SMCHD1: variants seen among roughly 807,000 people sequenced by gnomAD.
SMCHD1 encodes the protein structural maintenance of chromosomes flexible hinge domain containing 1, also known as structural maintenance of chromosomes flexible hinge domain-containing protein 1.
A neutral mutation model predicts 254.7 loss-of-function variants in SMCHD1; 78 were observed. The ratio of observed to expected loss-of-function variants is 0.31; its 90% CI spans 0.26 to 0.37. SMCHD1 has a LOEUF of 0.37. Ranked by LOEUF, SMCHD1 falls within the 10% of genes least tolerant of loss-of-function variation. The pLI, the probability that SMCHD1 is intolerant of heterozygous loss-of-function variation, is 1.00. For synonymous variants in SMCHD1, 766 were observed against 794.9 expected, an observed-to-expected ratio of 0.96 and a Z score of 0.61; for missense variants, 1,840 against 2,408.1, an observed-to-expected ratio of 0.76 and a Z score of 4.94.
intron 34 of SMCHD1, among the ~76,000 whole-genome samples, chr18:2,758,401 G>C (rs1010574574): frequency 6.6e-6 from 1 of 152,020 alleles, no homozygotes; most frequent in African/African-American, 2.4e-5. Flanking sequence ...ATGGATCTTA[G>C]AACATTTACT....
intron 17 of SMCHD1, 91 bp downstream of exon 17, chr18:2,708,011 A>AGATTGCTAGGTC: frequency 1.4e-6 from 1 of 735,674 alleles, no homozygotes; most frequent in Non-Finnish European, 2.1e-6. Flanking sequence ...ATGACCTAGC[A>AGATTGCTAGGTC]ATCTGATAGG....
At chr18:2,758,716 A>G (rs1228727479) in intron 34 of SMCHD1, among the ~76,000 whole-genome samples, 1 of 152,040 alleles carries the variant, frequency 6.6e-6, no homozygotes, top group East Asian at 1.9e-4. Context: ...ATCCTTCACT[A>G]TCTCATTCTG....
At chr18:2,704,817 C>T (rs1276069259) in intron 13 of SMCHD1, among the ~76,000 whole-genome samples, 1 of 151,922 alleles carries the variant, frequency 6.6e-6, no homozygotes, top group Non-Finnish European at 1.5e-5. Flanking sequence ...TGGATGAGAT[C>T]ATCTATACTT....
chr18:2,666,110 T>G, intron 1 of SMCHD1, 47 bp from the exon 2 acceptor site: 1 of 863,580 alleles, frequency 1.2e-6, no homozygotes. Context: ...GAATAATACA[T>G]TTATTTCCTT....
chr18:2,746,075 C>T (rs1347877795), intron 29 of SMCHD1, among the ~76,000 whole-genome samples: 7 of 152,118 alleles, frequency 4.6e-5, no homozygotes, highest in African/African-American at 9.7e-5. Context: ...GTAATCCCAA[C>T]ACTTTGGGAG....
intron 45 of SMCHD1, among the ~76,000 whole-genome samples, chr18:2,788,258 GA>G (rs996080547): frequency 1.5e-4 from 23 of 151,300 alleles, no homozygotes; most frequent in African/African-American, 3.9e-4. Flanking sequence ...CAGAGCATAA[GA>G]AAAAAAAATT....
chr18:2,700,514 T>G (rs1306570708), intron 10 of SMCHD1, 25 bp from the exon 11 acceptor site: 6 of 1,582,120 alleles, frequency 3.8e-6, no homozygotes, highest in Non-Finnish European at 5.1e-6. Context: ...ATAAACATTT[T>G]GTTCCATTTG....
intron 17 of SMCHD1, among the ~76,000 whole-genome samples, chr18:2,708,907 T>TATATATATAAATAA (rs769432583): frequency 2.2e-5 from 1 of 44,702 alleles, no homozygotes; most frequent in African/African-American, 8.4e-5. Flanking sequence ...TATATATATA[T>TATATATATAAATAA]AACATATTAA....
At position 2,775,717 on chromosome 18, in the gene SMCHD1, A is replaced by G; in HGVS notation, c.5176-17A>G. 1 of 1,581,588 alleles carries G rather than the reference A, an allele frequency of 6.3e-7. No individual in the cohort carries two copies. Among genetic ancestry groups the G allele is most frequent in the African/African-American group, 1.4e-5 (1 of 73,244 alleles). On this transcript the variant is annotated splice_polypyrimidine_tract_variant and intron_variant, in intron 41 of 47. Coordinates refer to ENST00000320876, the MANE Select transcript of SMCHD1 (RefSeq NM_015295.3). ...TATGGATTTTATATTTTTTTACTTT[A>G]TGAAAATGGGTTATAGATTGCACAT...
intron 13 of SMCHD1, among the ~76,000 whole-genome samples, chr18:2,704,671 C>T (rs961656255): frequency 6.7e-6 from 1 of 148,390 alleles, no homozygotes; most frequent in Non-Finnish European, 1.5e-5. Context: ...TCGTTAAATA[C>T]TTTGGAAAAG....
At chr18:2,744,841 TTTTG>T (rs1370339893) in intron 29 of SMCHD1, among the ~76,000 whole-genome samples, 1 of 152,100 alleles carries the variant, frequency 6.6e-6, no homozygotes, top group Non-Finnish European at 1.5e-5. Flanking sequence ...TTTTGTTTTG[TTTTG>T]TTTTTGTTTT....
In SMCHD1 at chr18:2,658,871, CACAT is replaced by C. The variant is rs531382567; in HGVS notation, c.186+2614_186+2617del. 1.8e-3 allele frequency among the ~76,000 whole-genome samples: 274 copies of C among 150,264 alleles called. 3 individuals carry two copies. Among genetic ancestry groups the C allele is most frequent in the African/African-American group, 6.3e-3 (257 of 40,792 alleles). ...ATATGTATATATACATATATATACACACATACACACATATATACACATATATACG... is the reference window on the plus strand; with the variant it reads ...ATATGTATATATACATATATATACACACACACATATATACACATATATACG... On this transcript the variant is annotated intron_variant, in intron 1 of 47. Transcript: ENST00000320876.
At chr18:2,726,867 T>G (rs980362789) in intron 22 of SMCHD1, 2 of 155,394 alleles carry the variant, frequency 1.3e-5, no homozygotes, top group Admixed American at 1.3e-4. Context: ...GAAAAACTTC[T>G]AATGTTATTT....
At chr18:2,751,184 T>G in intron 32 of SMCHD1, 94 bp from the exon 33 acceptor site, 1 of 667,276 alleles carries the variant, frequency 1.5e-6, no homozygotes, top group Non-Finnish European at 2.5e-6. Flanking sequence ...CTTTAAACAT[T>G]TAAATAAGAT....
intron 22 of SMCHD1, 31 bp from the exon 23 acceptor site, chr18:2,728,426 A>G (rs201443236): frequency 2.0e-4 from 315 of 1,603,788 alleles, no homozygotes; most frequent in Middle Eastern, 5.2e-4. Flanking sequence ...TGAAACCTGA[A>G]TATGTATTTC....
At chr18:2,723,075 A>G (rs1043904021) in intron 20 of SMCHD1, among the ~76,000 whole-genome samples, 2 of 152,082 alleles carry the variant, frequency 1.3e-5, no homozygotes, top group Non-Finnish European at 2.9e-5. Context: ...AAATGTTCTC[A>G]ATCTTTTTGT....
In SMCHD1 at chr18:2,688,414, G is replaced by C. The variant is rs758139987; in HGVS notation, c.659G>C (p.Arg220Pro). Residue 220 changes from arginine to proline, a missense_variant, in exon 6 of 48, where the codon CGT becomes CCT. Coordinates refer to ENST00000320876, the MANE Select transcript of SMCHD1 (RefSeq NM_015295.3). The stretch of plus-strand genomic sequence containing the variant: ...TTTAGTGATCATTCAGGATATGTTC[G>C]TCCAGTACCAGTGCCACGCAGTTTA... ...DFESDHSGYV[R>P]PVPVPRSLNS... 1.2e-6 allele frequency: 2 copies of C among 1,612,790 alleles called. No homozygotes were observed. Among genetic ancestry groups the C allele is most frequent in the Non-Finnish European group, 1.7e-6 (2 of 1,178,856 alleles).
At chr18:2,723,352 T>C (rs966829696) in intron 20 of SMCHD1, among the ~76,000 whole-genome samples, 3 of 152,084 alleles carry the variant, frequency 2.0e-5, no homozygotes. Flanking sequence ...TCTAGAGATA[T>C]CTGGTTATTG....
chr18:2,796,235 C>A, intron 46 of SMCHD1, 128 bp downstream of exon 46: 1 of 929,392 alleles, frequency 1.1e-6, no homozygotes, highest in Non-Finnish European at 1.6e-6. Context: ...TCTTAACCTC[C>A]AAGTCCTATC....
Sources: allele counts gnomAD v4.1 joint callset (sites outside exome capture counted in the v4.1 genomes callset), GRCh38; gene constraint gnomAD v4.1.1; transcripts MANE v1.5; gene names NCBI Gene and HGNC (gene_info 2026-07-23, HGNC 2026-07-21).